Variants in ITGA9 observed in about 807,000 individuals in gnomAD.
ITGA9 encodes integrin alpha-9.
ITGA9 carries 56 observed loss-of-function variants against 127.8 expected under a neutral mutation model. The observed-to-expected ratio is 0.44, with a 90% CI of 0.35 to 0.55. ITGA9 has a LOEUF of 0.55. ITGA9 is among the 20% of genes least tolerant of loss of function. The pLI is 0.00. For missense variants in ITGA9, 1,196 were observed against 1,347.1 expected, an observed-to-expected ratio of 0.89 and a Z score of 1.76; for synonymous variants, 508 against 514.5, an observed-to-expected ratio of 0.99 and a Z score of 0.17.
chr3:37,554,950 G>A (rs1370618245), intron 15 of ITGA9, among the ~76,000 whole-genome samples: 1 of 152,136 alleles, frequency 6.6e-6, no homozygotes, highest in Non-Finnish European at 1.5e-5. Flanking sequence ...GTATCAATTT[G>A]GGAGTCGCCA....
At chr3:37,461,802 G>A (rs949740685) in intron 1 of ITGA9, among the ~76,000 whole-genome samples, 12 of 152,162 alleles carry the variant, frequency 7.9e-5, no homozygotes, top group African/African-American at 2.9e-4. Flanking sequence ...CTTTGGGATT[G>A]TAAATCCTAG....
intron 22 of ITGA9, chr3:37,745,949 G>A (rs1696495008): frequency 6.6e-6 from 1 of 152,242 alleles, no homozygotes. Context: ...CCAGGGTTGA[G>A]AGAGTTGGGT....
chr3:37,513,882 C>G lies in ITGA9; in HGVS notation c.1017C>G (p.Val339=), dbSNP rs1272210491. The G allele has an allele frequency of 6.2e-7, 1 of 1,613,340 alleles. No homozygotes were observed. Among genetic ancestry groups the G allele is most frequent in the Non-Finnish European group, 8.5e-7 (1 of 1,180,028 alleles). ...TCAGGGATGAGGGACAGGTCACTGT[C>G]TACATCAACAGAGGAAATGTGAGTA... ...SEIRDEGQVT[V]YINRGNGALE... Residue 339 remains valine (V), a synonymous_variant, in exon 9 of 28, where the codon GTC becomes GTG. Transcript: ENST00000264741.
At chr3:37,675,247 C>T (rs562162413) in intron 17 of ITGA9, among the ~76,000 whole-genome samples, 12 of 152,304 alleles carry the variant, frequency 7.9e-5, no homozygotes, top group African/African-American at 2.6e-4. Context: ...TAAATATTCC[C>T]TCATCCCACA....
In ITGA9 at chr3:37,653,654, AC is replaced by A. The variant is rs1269090776; in HGVS notation, c.1840-59del. The A allele has an allele frequency of 3.4e-6, 4 of 1,193,888 alleles. No individual in the cohort carries two copies. In the South Asian group the frequency reaches 3.6e-5, roughly 11 times the overall value. 74.0% of individuals were successfully genotyped at this position (1,193,888 alleles called of 1,614,324 possible). A position where few individuals can be genotyped will look rare whatever the true frequency, so the allele number is the denominator to read the frequency against. The stretch of plus-strand genomic sequence containing the variant: ...CTGATTTGCAAGAAAGGAATTGGCC[AC>A]TGTGTACTCGTTTGCCACTCAATCC... On this transcript the variant is annotated intron_variant, in intron 16 of 27. Transcript: ENST00000264741.
Position 37,597,685 on chromosome 3 carries a change from G to A in ITGA9, c.1690-31502G>A, listed in dbSNP as rs148085427. Among the ~76,000 whole-genome samples the A allele has an allele frequency of 2.2e-3, 338 of 152,344 alleles. 1 individual carries two copies. The highest frequency in any genetic ancestry group is 7.9e-3 in the African/African-American group (328 of 41,580). ...GAGCATTGGAGTCTATTTCAGTTATGTGTTACAATAATAATGCTGCAGAAC... is the reference window on the plus strand; with the variant it reads ...GAGCATTGGAGTCTATTTCAGTTATATGTTACAATAATAATGCTGCAGAAC... On this transcript the variant is annotated intron_variant, in intron 15 of 27. Coordinates refer to ENST00000264741, the MANE Select transcript of ITGA9 (RefSeq NM_002207.3). This position sits in a 1 kb window ranked among gnomAD's most constrained non-coding sequence, Gnocchi z 4.6.
At chr3:37,471,633 G>T (rs374754655) in intron 2 of ITGA9, among the ~76,000 whole-genome samples, 24 of 152,336 alleles carry the variant, frequency 1.6e-4, no homozygotes, top group African/African-American at 5.8e-4. Context: ...GCCAGGCCAC[G>T]TGGGGCCTAG....
At chr3:37,709,961 G>A (rs891874377) in intron 18 of ITGA9, among the ~76,000 whole-genome samples, 2 of 152,190 alleles carry the variant, frequency 1.3e-5, no homozygotes, top group Non-Finnish European at 2.9e-5. Context: ...GGTGACAAGC[G>A]CGAAACTCTG....
At chr3:37,628,023 C>T (rs768651186) in intron 15 of ITGA9, among the ~76,000 whole-genome samples, 3 of 152,180 alleles carry the variant, frequency 2.0e-5, no homozygotes, top group Admixed American at 6.5e-5. Context: ...ACCTCTACTT[C>T]TTTGAACACA....
At chr3:37,687,657 A>T (rs989119153) in intron 18 of ITGA9, among the ~76,000 whole-genome samples, 9 of 152,238 alleles carry the variant, frequency 5.9e-5, no homozygotes, top group Non-Finnish European at 1.3e-4. Context: ...ACTTTTCTGT[A>T]ACATTAATGT....
At chr3:37,633,178 A>G (rs1315636200) in intron 16 of ITGA9, among the ~76,000 whole-genome samples, 3 of 152,352 alleles carry the variant, frequency 2.0e-5, no homozygotes, top group African/African-American at 7.2e-5. Context: ...ATGATGAGCA[A>G]GTGGCAAATA....
intron 18 of ITGA9, among the ~76,000 whole-genome samples, chr3:37,719,003 A>C (rs915770621): frequency 3.3e-5 from 5 of 152,238 alleles, no homozygotes; most frequent in African/African-American, 1.2e-4. Flanking sequence ...GCACACCCCC[A>C]GTTAAGAACC....
chr3:37,758,708 G>A (rs1023852009), intron 23 of ITGA9, among the ~76,000 whole-genome samples: 1 of 151,870 alleles, frequency 6.6e-6, no homozygotes, highest in African/African-American at 2.4e-5. Flanking sequence ...GTTTAGTTGT[G>A]TTGGAGGCCT....
chr3:37,489,833 A>G (rs1023196828), intron 4 of ITGA9, among the ~76,000 whole-genome samples: 1 of 152,174 alleles, frequency 6.6e-6, no homozygotes, highest in African/African-American at 2.4e-5. Context: ...TAGCACTTGA[A>G]CATAAATTTA....
intron 15 of ITGA9, among the ~76,000 whole-genome samples, chr3:37,568,068 C>T (rs968178334): frequency 2.6e-5 from 4 of 152,226 alleles, no homozygotes; most frequent in Admixed American, 6.5e-5. Flanking sequence ...TGAGGGCCCC[C>T]GTGAGGGCCC....
chr3:37,453,386 G>C (rs1465117222), intron 1 of ITGA9, among the ~76,000 whole-genome samples: 1 of 152,168 alleles, frequency 6.6e-6, no homozygotes, highest in African/African-American at 2.4e-5. Flanking sequence ...TAAGAAGGGG[G>C]CAGCTCTCCC....
intron 11 of ITGA9, among the ~76,000 whole-genome samples, chr3:37,519,896 C>T (rs572336971): frequency 1.3e-5 from 2 of 152,208 alleles, no homozygotes; most frequent in East Asian, 3.9e-4. Context: ...TGGTGTCAAG[C>T]CCAGCCCATG....
chr3:37,608,750 T>C (rs1699992078), intron 15 of ITGA9, among the ~76,000 whole-genome samples: 1 of 152,182 alleles, frequency 6.6e-6, no homozygotes, highest in Non-Finnish European at 1.5e-5. Flanking sequence ...AACTCTTTTA[T>C]GGTGTGTTTT....
intron 16 of ITGA9, among the ~76,000 whole-genome samples, chr3:37,636,565 T>C (rs1700280956): frequency 6.6e-6 from 1 of 152,210 alleles, no homozygotes; most frequent in Admixed American, 6.5e-5. Context: ...GCAGAAATTT[T>C]CTCCCATTCT....
Sources: gnomAD v4.1 joint callset for allele counts (sites outside exome capture counted in the v4.1 genomes callset) on GRCh38, gnomAD v4.1.1 for gene constraint, Gnocchi (gnomAD v3.1) non-coding constraint, MANE v1.5 for transcripts, NCBI Gene and HGNC (gene_info 2026-07-23, HGNC 2026-07-21) for gene names.